The following PROM2 variants were observed in gnomAD, a reference collection of about 807,000 sequenced individuals.
PROM2 encodes prominin 2, also known as prominin-2.
A neutral mutation model predicts 110.2 loss-of-function variants in PROM2; 90 were observed. The observed-to-expected ratio is 0.82, with a 90% CI of 0.69 to 0.97. The LOEUF (loss-of-function observed/expected upper bound fraction) is 0.97, where lower values mean the gene tolerates loss of function less well. Among genes scored for constraint, PROM2 ranks in the 50% least tolerant of loss-of-function variants. The pLI, the probability that PROM2 is intolerant of heterozygous loss-of-function variation, is 0.00. For synonymous variants in PROM2, 470 were observed against 467.8 expected, an observed-to-expected ratio of 1.00 and a Z score of -0.06; for missense variants, 1,009 against 1,074.8, an observed-to-expected ratio of 0.94 and a Z score of 0.86.
At chr2:95,281,397 G>T in intron 12 of PROM2, 32 bp downstream of exon 12, 1 of 1,602,056 alleles carries the variant, frequency 6.2e-7, no homozygotes, top group South Asian at 1.1e-5. Context: ...GGCCCTCCTG[G>T]GGAGAGAGGT....
intron 12 of PROM2, 120 bp from the exon 13 acceptor site, chr2:95,281,805 G>C: frequency 1.4e-6 from 1 of 730,858 alleles, no homozygotes; most frequent in Non-Finnish European, 2.4e-6. Context: ...CTGGGGTGAG[G>C]GGATGTTTCC....
Position 95,279,884 on chromosome 2 carries a change from C to T in PROM2, c.1314C>T (p.Phe438=), listed in dbSNP as rs749141766. The T allele has an allele frequency of 9.7e-6, 15 of 1,550,674 alleles. No individual in the cohort carries two copies. The highest frequency in any genetic ancestry group is 2.8e-5 in the African/African-American group (2 of 72,268). Residue 438 remains phenylalanine (F), a synonymous_variant, in exon 11 of 24, where the codon TTC becomes TTT. Coordinates refer to ENST00000317620, the MANE Select transcript of PROM2 (RefSeq NM_001165978.3). ...VGCVLCSVVL[F]VVLCNLLGLN... is the part of the protein sequence containing the mutation. ...GCGTGCTGTGCTCCGTGGTCCTATTCGTGGTGCTCTGCAACCTGCTGGGCC... is the reference window on the plus strand; with the variant it reads ...GCGTGCTGTGCTCCGTGGTCCTATTTGTGGTGCTCTGCAACCTGCTGGGCC...
rs1573451783 is a variant in PROM2 at position 95,279,946 on chromosome 2, A to C, written c.1376A>C (p.Asp459Ala). 1 of 1,518,456 alleles carries C rather than the reference A, an allele frequency of 6.6e-7. No individual in the cohort carries two copies. Among genetic ancestry groups the C allele is most frequent in the Non-Finnish European group, 8.8e-7 (1 of 1,131,026 alleles). 94.1% of individuals were successfully genotyped at this position (1,518,456 alleles called of 1,614,324 possible). Reference protein sequence around the residue: ...LGIWGLSARDDPSHPEAKGEA... With the variant: ...LGIWGLSARDAPSHPEAKGEA... ...ATCTGGGGCCTGTCTGCCAGGGACG[A>C]CCCCAGCCACCCAGAAGCCAAGGGC... The change falls in exon 11 of 24, where the codon GAC (aspartate) becomes GCC (alanine). Residue 459 changes from aspartate (D) to alanine (A), a missense_variant. Physicochemically the swap from Asp to Ala is moderately radical, Grantham distance 126. Transcript: ENST00000317620.
intron 7 of PROM2, 44 bp downstream of exon 7, chr2:95,277,610 G>A (rs766027201): frequency 2.0e-6 from 3 of 1,471,114 alleles, no homozygotes; most frequent in Non-Finnish European, 2.7e-6. Flanking sequence ...CGGAGGGCTA[G>A]CTGCCTGCTG....
At chr2:95,278,423 T>G (rs1573448787) in intron 8 of PROM2, 1 of 553,454 alleles carries the variant, frequency 1.8e-6, no homozygotes, top group Non-Finnish European at 3.2e-6. Context: ...GCTAGAAGGG[T>G]GGACTGGAGC....
Position 95,279,070 on chromosome 2 carries a change from G to A in PROM2, c.1200G>A (p.Trp400Ter). ...GFPGLEAASR[W>*]AQALQEVEES... ...CGGGCTTGGAGGCAGCTTCCCGCTG[G>A]GCCCAGGCACTGCAGGAGGTGGAGG... The change falls in exon 10 of 24, where the codon TGG becomes TGA. Residue 400 changes from tryptophan (W) to a stop codon, truncating the protein, a stop_gained. Coordinates refer to ENST00000317620, the MANE Select transcript of PROM2 (RefSeq NM_001165978.3). LOFTEE classifies it high-confidence loss of function. 6.2e-7 allele frequency: 1 copy of A among 1,610,308 alleles called. No individual in the cohort carries two copies. Among genetic ancestry groups the A allele is most frequent in the Non-Finnish European group, 8.5e-7 (1 of 1,178,326 alleles).
In PROM2 at chr2:95,283,811, A is replaced by ATT. The variant is rs1677187370; in HGVS notation, c.1729-1158_1729-1157insTT. ...CATTCATTCATTCATTCATTCATTC[A>ATT]CACAGCTAACAAACTTGTCTCCTGC... On this transcript the variant is annotated intron_variant, in intron 14 of 23. Coordinates refer to ENST00000317620, the MANE Select transcript of PROM2 (RefSeq NM_001165978.3). Among the ~76,000 whole-genome samples, 5 of 151,470 alleles carry ATT rather than the reference A, an allele frequency of 3.3e-5. 1 individual carries two copies. The South Asian group carries it at 8.4e-4, about 25-fold the overall frequency.
chr2:95,278,534 G>A (rs1676816449), intron 8 of PROM2, 187 bp from the exon 9 acceptor site: 1 of 672,558 alleles, frequency 1.5e-6, no homozygotes, highest in Admixed American at 2.3e-5. Context: ...GGTCCGGGAG[G>A]AGCAACGTTT....
At chr2:95,277,189 C>T (rs1220586620) in intron 6 of PROM2, 128 bp downstream of exon 6, 3 of 1,111,590 alleles carry the variant, frequency 2.7e-6, no homozygotes, top group African/African-American at 3.1e-5. Flanking sequence ...CATCGCTGTA[C>T]CCCAGGATCC....
chr2:95,276,001 T>C lies in PROM2; in HGVS notation c.366T>C (p.Thr122=), dbSNP rs1288825665. The change falls in exon 3 of 24, where the codon ACT becomes ACC. Residue 122 remains threonine, a synonymous_variant. Transcript: ENST00000317620. The surrounding 1 kb of genome is among the most constrained non-coding windows in gnomAD (Gnocchi z 4.6). The part of the protein sequence containing the change: ...IAGLYLLLVP[T]AGLCFCCCRC... ...GCCTCTACCTGCTGCTGGTGCCCACTGCCGGGCTTTGCTTCTGCTGCTGCC... is the reference window on the plus strand; with the variant it reads ...GCCTCTACCTGCTGCTGGTGCCCACCGCCGGGCTTTGCTTCTGCTGCTGCC... 1 of 1,612,016 alleles carries C rather than the reference T, an allele frequency of 6.2e-7. No individual in the cohort carries two copies. The highest frequency in any genetic ancestry group is 2.2e-5 in the East Asian group (1 of 44,870).
intron 21 of PROM2, 34 bp downstream of exon 21, chr2:95,288,334 A>G: frequency 6.2e-7 from 1 of 1,611,598 alleles, no homozygotes; most frequent in Non-Finnish European, 8.5e-7. Flanking sequence ...CTTGTTCACC[A>G]AGTCCCGGAG....
rs371488371 is a variant in PROM2 at position 95,288,909 on chromosome 2, C to T, written c.2442-24C>T. The T allele has an allele frequency of 1.4e-5, 22 of 1,610,594 alleles. No homozygotes were observed. The African/African-American group carries it at 2.9e-4, about 22-fold the overall frequency. On this transcript the variant is annotated intron_variant, in intron 22 of 23. Coordinates refer to ENST00000317620, the MANE Select transcript of PROM2 (RefSeq NM_001165978.3). ...GAGGGTCTGGGGGGAAGGGTATGCTCACTCTCTGTCTTTGACACTGCAGCT... is the reference window on the plus strand; with the variant it reads ...GAGGGTCTGGGGGGAAGGGTATGCTTACTCTCTGTCTTTGACACTGCAGCT...
chr2:95,278,134 G>C, intron 8 of PROM2, 130 bp downstream of exon 8: 1 of 722,512 alleles, frequency 1.4e-6, no homozygotes, highest in Non-Finnish European at 2.4e-6. Context: ...ACCCTGGGCA[G>C]GGGACTCCCG....
chr2:95,283,727 C>T (rs1178881361), intron 14 of PROM2, among the ~76,000 whole-genome samples: 1 of 152,232 alleles, frequency 6.6e-6, no homozygotes, highest in African/African-American at 2.4e-5. Flanking sequence ...AAATCTCTTC[C>T]AGTGATAGTA....
rs1178273438 is a variant in PROM2, at chr2:95,287,380, C to T, written c.2176-16C>T. 4.3e-6 allele frequency: 7 copies of T among 1,614,034 alleles called. No homozygotes were observed. Among genetic ancestry groups the T allele is most frequent in the Non-Finnish European group, 5.1e-6 (6 of 1,179,958 alleles). Reference sequence around the variant, plus strand: ...TCTGGGACCCCTACAGCTCAGACCTCCTTTCCTTCCTGCAGGTGAGTGAGT... The same window carrying T: ...TCTGGGACCCCTACAGCTCAGACCTTCTTTCCTTCCTGCAGGTGAGTGAGT... On this transcript the variant is annotated splice_polypyrimidine_tract_variant and intron_variant, in intron 19 of 23. Coordinates refer to ENST00000317620, the MANE Select transcript of PROM2 (RefSeq NM_001165978.3).
At chr2:95,285,609 T>C in intron 15 of PROM2, 30 bp from the exon 16 acceptor site, 1 of 1,561,310 alleles carries the variant, frequency 6.4e-7, no homozygotes, top group Non-Finnish European at 8.7e-7. Context: ...GCTGGGTTCA[T>C]CCCTCCTGGC....
intron 12 of PROM2, 64 bp from the exon 13 acceptor site, chr2:95,281,861 A>C: frequency 4.4e-6 from 5 of 1,131,216 alleles, no homozygotes; most frequent in Non-Finnish European, 6.7e-6. Flanking sequence ...GCCAGGCCCT[A>C]GGGGACCAGG....
intron 11 of PROM2, among the ~76,000 whole-genome samples, chr2:95,280,758 C>T (rs943871628): frequency 1.3e-5 from 2 of 152,212 alleles, no homozygotes; most frequent in African/African-American, 4.8e-5. Flanking sequence ...GATTCTCACA[C>T]CTCAGCCTCC....
rs1677428041 is a variant in PROM2 at position 95,287,395 on chromosome 2, GGTGA to G, written c.2183_2186del (p.Glu728ValfsTer17). 2.5e-6 allele frequency: 4 copies of G among 1,614,016 alleles called. No individual in the cohort carries two copies. The highest frequency in any genetic ancestry group is 2.7e-5 in the African/African-American group (2 of 74,936). On this transcript the variant is annotated frameshift_variant and splice_region_variant, in exon 20 of 24. Coordinates refer to ENST00000317620, the MANE Select transcript of PROM2 (RefSeq NM_001165978.3). LOFTEE classifies it high-confidence loss of function. The stretch of plus-strand genomic sequence containing the variant: ...GCTCAGACCTCCTTTCCTTCCTGCA[GGTGA>G]GTGAGTGTTTCCTGGCCCGGGAGAT...
Sources: gnomAD v4.1 joint callset for allele counts (sites outside exome capture counted in the v4.1 genomes callset) on GRCh38, gnomAD v4.1.1 for gene constraint, Gnocchi (gnomAD v3.1) non-coding constraint, MANE v1.5 for transcripts, NCBI Gene and HGNC (gene_info 2026-07-23, HGNC 2026-07-21) for gene names.